Variants in OSBPL1A observed in about 807,000 individuals in gnomAD.
OSBPL1A encodes the protein oxysterol-binding protein-related protein 1.
In OSBPL1A, 80 loss-of-function variants were observed where a neutral mutation model predicts 137.1. The observed-to-expected ratio is 0.58, with a 90% CI of 0.49 to 0.70. The LOEUF (loss-of-function observed/expected upper bound fraction) is 0.70, where lower values mean the gene tolerates loss of function less well. Ranked by LOEUF, OSBPL1A falls within the 30% of genes least tolerant of loss-of-function variation. The pLI is 0.00. For synonymous variants in OSBPL1A, 365 were observed against 389.7 expected, an observed-to-expected ratio of 0.94 and a Z score of 0.75; for missense variants, 970 against 1,129.4, an observed-to-expected ratio of 0.86 and a Z score of 2.02.
intron 27 of OSBPL1A, among the ~76,000 whole-genome samples, chr18:24,163,840 C>T (rs2086078579): frequency 6.6e-6 from 1 of 152,004 alleles, no homozygotes; most frequent in Admixed American, 6.5e-5. Context: ...GAAAGCGATT[C>T]TCCTGCCTCA....
intron 27 of OSBPL1A, 92 bp downstream of exon 27, chr18:24,164,973 G>T: frequency 2.3e-6 from 3 of 1,294,896 alleles, no homozygotes; most frequent in Non-Finnish European, 3.3e-6. Context: ...ATAGGCCCTT[G>T]CTCTGGGGTC....
At chr18:24,191,743 A>G (rs1314200788) in intron 18 of OSBPL1A, among the ~76,000 whole-genome samples, 1 of 152,230 alleles carries the variant, frequency 6.6e-6, no homozygotes, top group Non-Finnish European at 1.5e-5. Context: ...CAATTGAGTT[A>G]ACTCGGTAAA....
At chr18:24,321,893 T>C in intron 7 of OSBPL1A, 1 of 336,230 alleles carries the variant, frequency 3.0e-6, no homozygotes, top group South Asian at 2.4e-5. Context: ...ATTATGCTAT[T>C]TGATTTCTGA....
At chr18:24,185,513 G>A (rs1316446526) in intron 18 of OSBPL1A, among the ~76,000 whole-genome samples, 1 of 151,934 alleles carries the variant, frequency 6.6e-6, no homozygotes, top group Non-Finnish European at 1.5e-5. Context: ...TAGAGACGAG[G>A]TTTCACCACG....
chr18:24,183,716 G>A (rs770760963), intron 18 of OSBPL1A, among the ~76,000 whole-genome samples: 9 of 152,140 alleles, frequency 5.9e-5, no homozygotes, highest in African/African-American at 1.9e-4. Flanking sequence ...GATTACAGGC[G>A]TGAGCCACCG....
intron 4 of OSBPL1A, among the ~76,000 whole-genome samples, chr18:24,362,225 A>G (rs1183577541): frequency 1.3e-5 from 2 of 151,966 alleles, no homozygotes; most frequent in Non-Finnish European, 2.9e-5. Context: ...AGGTATATAG[A>G]AAAGAATGAG....
chr18:24,374,767 AG>A (rs1415927819), intron 2 of OSBPL1A, among the ~76,000 whole-genome samples: 1 of 152,180 alleles, frequency 6.6e-6, no homozygotes, highest in Admixed American at 6.5e-5. Flanking sequence ...GATACAGCCA[AG>A]GAGCCTTACC....
intron 4 of OSBPL1A, among the ~76,000 whole-genome samples, chr18:24,355,330 C>T (rs777264051): frequency 2.9e-4 from 44 of 149,628 alleles, no homozygotes; most frequent in Non-Finnish European, 5.3e-4. Flanking sequence ...GGTGAAACCC[C>T]GTCTCTACTA....
At chr18:24,268,055 A>G (rs546150832) in intron 15 of OSBPL1A, among the ~76,000 whole-genome samples, 11 of 152,226 alleles carry the variant, frequency 7.2e-5, no homozygotes, top group African/African-American at 2.6e-4. Flanking sequence ...CACCTCCCTC[A>G]CACTCACTCC....
chr18:24,308,765 C>T (rs1282419862), intron 13 of OSBPL1A, among the ~76,000 whole-genome samples: 4 of 149,692 alleles, frequency 2.7e-5, no homozygotes, highest in Non-Finnish European at 6.0e-5. Context: ...TTAAAATGAA[C>T]AACTGAATTT....
intron 4 of OSBPL1A, among the ~76,000 whole-genome samples, chr18:24,362,266 C>T (rs1468438324): frequency 2.0e-5 from 3 of 152,162 alleles, no homozygotes; most frequent in Non-Finnish European, 2.9e-5. Flanking sequence ...GCAAGTAGTT[C>T]ACGTAGTCAG....
chr18:24,362,013 A>T (rs2146187640), intron 4 of OSBPL1A, among the ~76,000 whole-genome samples: 1 of 94,936 alleles, frequency 1.1e-5, no homozygotes, highest in Non-Finnish European at 2.1e-5. Flanking sequence ...AAAAAAAAAA[A>T]AAAAAAGACA....
chr18:24,225,813 C>CA (rs1389897915), intron 16 of OSBPL1A, among the ~76,000 whole-genome samples: 2 of 151,536 alleles, frequency 1.3e-5, no homozygotes, highest in South Asian at 2.1e-4. Flanking sequence ...AGTTTCAAAA[C>CA]AAAAAAATAA....
intron 1 of OSBPL1A, among the ~76,000 whole-genome samples, chr18:24,392,683 G>A (rs1164054042): frequency 1.3e-5 from 2 of 151,996 alleles, no homozygotes; most frequent in African/African-American, 2.4e-5. Context: ...TTAGCCCTGC[G>A]CTCCAAAGTA....
intron 14 of OSBPL1A, among the ~76,000 whole-genome samples, chr18:24,297,899 C>A (rs1185325425): frequency 6.6e-6 from 1 of 152,078 alleles, no homozygotes; most frequent in East Asian, 1.9e-4. Flanking sequence ...ATGTGTGAAC[C>A]AGAGCAACTC....
At chr18:24,189,127 T>G (rs12607255) in intron 18 of OSBPL1A, among the ~76,000 whole-genome samples, 4 of 152,076 alleles carry the variant, frequency 2.6e-5, no homozygotes, top group African/African-American at 9.7e-5. Flanking sequence ...CAACCTATGA[T>G]GAAACTGCAG....
chr18:24,240,029 T>TTC (rs1308805118), intron 15 of OSBPL1A, among the ~76,000 whole-genome samples: 3 of 151,284 alleles, frequency 2.0e-5, no homozygotes, highest in African/African-American at 7.3e-5. Context: ...GTTCAAGCTA[T>TTC]TCTCATGCCT....
At chr18:24,211,315 CAGTT>C (rs1046319471) in intron 17 of OSBPL1A, among the ~76,000 whole-genome samples, 20 of 152,232 alleles carry the variant, frequency 1.3e-4, no homozygotes, top group African/African-American at 9.6e-5. Flanking sequence ...AAAACAAAAA[CAGTT>C]AGAAGAGTAG....
rs374288217 is a variant in OSBPL1A at position 24,344,188 on chromosome 18, G to A, written c.283-2530C>T. Among the ~76,000 whole-genome samples, 1,019 of 152,326 alleles carry A rather than the reference G, an allele frequency of 6.7e-3. 5 individuals are homozygous for A. The highest frequency in any genetic ancestry group is 0.018 in the South Asian group (86 of 4,828). ...ATGTACAAATGGTCAATAAGCCCAC[G>A]AAGGTAATCCCAGCACTTTGGGAGG... is the stretch of plus-strand genomic sequence containing the variant. On this transcript the variant is annotated intron_variant, in intron 4 of 27. Transcript: ENST00000319481.
Sources: gnomAD v4.1 joint callset for allele counts (sites outside exome capture counted in the v4.1 genomes callset) on GRCh38, gnomAD v4.1.1 for gene constraint, MANE v1.5 for transcripts, NCBI Gene and HGNC (gene_info 2026-07-23, HGNC 2026-07-21) for gene names.